The following CWF19L2 variants were observed in gnomAD, a reference collection of about 807,000 sequenced individuals.
CWF19L2 encodes the protein CWF19-like protein 2.
CWF19L2 carries 98 observed loss-of-function variants against 111.7 expected under a neutral mutation model. The observed-to-expected ratio is 0.88, with a 90% CI of 0.75 to 1.04. The LOEUF is 1.04. Ranked by LOEUF, CWF19L2 falls within the 50% of genes least tolerant of loss-of-function variation. CWF19L2 has a pLI of 0.00. For synonymous variants in CWF19L2, 351 were observed against 342.9 expected, an observed-to-expected ratio of 1.02 and a Z score of -0.26; for missense variants, 1,101 against 1,051.4, an observed-to-expected ratio of 1.05 and a Z score of -0.65.
chr11:107,389,691 AC>A (rs377601310), intron 12 of CWF19L2, among the ~76,000 whole-genome samples: 22 of 152,222 alleles, frequency 1.4e-4, no homozygotes, highest in East Asian at 1.4e-3. Flanking sequence ...ATTTTCTTCT[AC>A]CTCTTCATGG....
At chr11:107,380,104 A>G (rs1319379208) in intron 12 of CWF19L2, among the ~76,000 whole-genome samples, 1 of 150,526 alleles carries the variant, frequency 6.6e-6, no homozygotes, top group East Asian at 1.9e-4. Context: ...TAAAAACTCT[A>G]TGAAAACTAG....
rs189044630 is a variant in CWF19L2 at position 107,437,839 on chromosome 11, T to C, written c.664+1251A>G. ...GAAATTTATGGACCATCCTCTGACA[T>C]TAGGGATGGCAAAAGCCTAGATCAT... On this transcript the variant is annotated intron_variant, in intron 6 of 17. Coordinates refer to ENST00000282251, the MANE Select transcript of CWF19L2 (RefSeq NM_152434.3). Among the ~76,000 whole-genome samples, 82 of 152,262 alleles carry C rather than the reference T, an allele frequency of 5.4e-4. No individual in the cohort carries two copies. In the Middle Eastern group the frequency reaches 0.01, roughly 19 times the overall value.
intron 10 of CWF19L2, among the ~76,000 whole-genome samples, chr11:107,407,784 C>T (rs1246415963): frequency 1.3e-5 from 2 of 151,972 alleles, no homozygotes; most frequent in African/African-American, 4.8e-5. Flanking sequence ...CTATCCAAAA[C>T]AACTACTCTA....
At chr11:107,433,984 CTA>C (rs1271477698) in intron 6 of CWF19L2, among the ~76,000 whole-genome samples, 2 of 138,752 alleles carry the variant, frequency 1.4e-5, no homozygotes, top group Non-Finnish European at 3.1e-5. Context: ...AAAAATAAAA[CTA>C]TAAGAAAATT....
At chr11:107,425,320 C>G (rs1003302256) in intron 8 of CWF19L2, among the ~76,000 whole-genome samples, 8 of 151,810 alleles carry the variant, frequency 5.3e-5, no homozygotes, top group African/African-American at 1.5e-4. Context: ...ACGTTTCACT[C>G]AACGACAGAC....
At chr11:107,336,001 C>G (rs1377237987) in intron 15 of CWF19L2, among the ~76,000 whole-genome samples, 2 of 152,084 alleles carry the variant, frequency 1.3e-5, no homozygotes, top group African/African-American at 2.4e-5. Context: ...GCGGGCAGAT[C>G]ACGAGGTCAA....
At position 107,334,959 on chromosome 11, in the gene CWF19L2, T is replaced by C; in HGVS notation, c.2361A>G (p.Lys787=). ...VGDMAPIYFK[K]AIMESDEEWS... is the part of the protein sequence containing the mutation. ...ACTCTTCATCAGATTCCATTATGGC[T>C]TTCTAAGAAATATCCATTTGTTAAG... is the stretch of plus-strand genomic sequence containing the variant. The change falls in exon 16 of 18, where the codon AAA becomes AAG. Residue 787 remains lysine (K), a splice_region_variant and synonymous_variant. Coordinates refer to ENST00000282251, the MANE Select transcript of CWF19L2 (RefSeq NM_152434.3). 2 of 1,589,740 alleles carry C rather than the reference T, an allele frequency of 1.3e-6. No homozygotes were observed. Among genetic ancestry groups the C allele is most frequent in the Non-Finnish European group, 8.6e-7 (1 of 1,159,216 alleles).
intron 14 of CWF19L2, among the ~76,000 whole-genome samples, chr11:107,348,135 T>C (rs183860963): frequency 6.6e-6 from 1 of 152,260 alleles, no homozygotes; most frequent in Non-Finnish European, 1.5e-5. Flanking sequence ...TTACAAGGTA[T>C]ACAAGACTAA....
intron 7 of CWF19L2, among the ~76,000 whole-genome samples, chr11:107,432,350 G>C (rs542968951): frequency 6.6e-6 from 1 of 152,262 alleles, no homozygotes; most frequent in South Asian, 2.1e-4. Context: ...GGCCAAGGTG[G>C]GCAGATCACG....
intron 2 of CWF19L2, among the ~76,000 whole-genome samples, chr11:107,454,855 A>G (rs556386247): frequency 6.6e-6 from 1 of 152,304 alleles, no homozygotes; most frequent in African/African-American, 2.4e-5. Flanking sequence ...ATAATCAAAT[A>G]AACACATATA....
intron 12 of CWF19L2, among the ~76,000 whole-genome samples, chr11:107,384,294 A>T (rs1338922812): frequency 1.3e-5 from 2 of 152,226 alleles, no homozygotes; most frequent in Admixed American, 1.3e-4. Context: ...TTTGGATTTT[A>T]AAATGTTTAC....
chr11:107,441,726 A>T, intron 4 of CWF19L2, 104 bp from the exon 5 acceptor site: 1 of 1,219,720 alleles, frequency 8.2e-7, no homozygotes, highest in Non-Finnish European at 1.1e-6. Context: ...GGGACTTTGG[A>T]GGCAATCAAA....
intron 3 of CWF19L2, among the ~76,000 whole-genome samples, chr11:107,450,117 G>A (rs1189948390): frequency 5.3e-5 from 8 of 150,842 alleles, no homozygotes; most frequent in Non-Finnish European, 8.9e-5. Context: ...AAAAAAAAAG[G>A]AAGAGGCCAG....
intron 12 of CWF19L2, among the ~76,000 whole-genome samples, chr11:107,379,258 C>A (rs879238613): frequency 1.3e-5 from 2 of 152,204 alleles, no homozygotes; most frequent in African/African-American, 4.8e-5. Context: ...TCAAATGAGG[C>A]AATTTTGCTT....
intron 8 of CWF19L2, among the ~76,000 whole-genome samples, chr11:107,428,114 GCTAT>G (rs1371008721): frequency 6.6e-6 from 1 of 151,352 alleles, no homozygotes; most frequent in Non-Finnish European, 1.5e-5. Flanking sequence ...TTTTTTTCTG[GCTAT>G]CTCCAACAGG....
At chr11:107,359,351 C>A (rs1565251908) in intron 12 of CWF19L2, among the ~76,000 whole-genome samples, 1 of 152,172 alleles carries the variant, frequency 6.6e-6, no homozygotes, top group Admixed American at 6.5e-5. Flanking sequence ...GATGTCTGGA[C>A]AGAACAGTGA....
At chr11:107,415,364 T>C (rs1406833275) in intron 10 of CWF19L2, among the ~76,000 whole-genome samples, 1 of 152,178 alleles carries the variant, frequency 6.6e-6, no homozygotes, top group Non-Finnish European at 1.5e-5. Context: ...TCACTCAAAA[T>C]TGCCACTACC....
At chr11:107,410,954 T>C (rs1264482336) in intron 10 of CWF19L2, among the ~76,000 whole-genome samples, 1 of 152,094 alleles carries the variant, frequency 6.6e-6, no homozygotes, top group Non-Finnish European at 1.5e-5. Flanking sequence ...TAGCAAACCT[T>C]AGTCAAAAAA....
rs1253326870 is a variant in CWF19L2 at position 107,457,741 on chromosome 11, G to A, written c.76C>T (p.Arg26Trp). The A allele has an allele frequency of 1.3e-6, 2 of 1,551,466 alleles. No individual in the cohort carries two copies. The highest frequency in any genetic ancestry group is 1.7e-6 in the Non-Finnish European group (2 of 1,146,892). ...CGCAACACCTCGGCCCTGGCATTCC[G>A]GGTCTGTTCTTTCCGCTCTTCGATA... ...KSIEERKEQT[R>W]NARAEVLRQA... Residue 26 changes from arginine to tryptophan, a missense_variant, in exon 1 of 18, where the codon CGG (arginine) becomes TGG (tryptophan). Physicochemically the swap from Arg to Trp is moderately radical, Grantham distance 101 (BLOSUM62 -3). Coordinates refer to ENST00000282251, the MANE Select transcript of CWF19L2 (RefSeq NM_152434.3).
Sources: allele counts gnomAD v4.1 joint callset (sites outside exome capture counted in the v4.1 genomes callset), GRCh38; gene constraint gnomAD v4.1.1; transcripts MANE v1.5; gene names NCBI Gene and HGNC (gene_info 2026-07-23, HGNC 2026-07-21).